Variants in CDK16 observed in about 807,000 individuals in gnomAD.
CDK16 encodes the protein cyclin-dependent kinase 16.
In CDK16, 2 loss-of-function variants were observed where a neutral mutation model predicts 41.6. The ratio of observed to expected loss-of-function variants is 0.05; its 90% CI spans 0.02 to 0.15. The LOEUF is 0.15. Ranked by LOEUF, CDK16 falls within the 10% of genes least tolerant of loss-of-function variation. CDK16 has a pLI of 1.00. For missense variants in CDK16, 228 were observed against 428.9 expected (o/e 0.53, Z 4.14); for synonymous variants, 169 against 169.7 (o/e 1.00, Z 0.03).
intron 1 of CDK16, chrX:47,222,929 G>T: frequency 1.5e-6 from 1 of 670,274 alleles, no homozygotes; most frequent in Non-Finnish European, 2.0e-6. Flanking sequence ...GGTTGGGTCT[G>T]GGCAGGACAC....
chrX:47,221,638 C>T (rs889877596), intron 1 of CDK16, among the ~76,000 whole-genome samples: 2 of 111,752 alleles, frequency 1.8e-5, no homozygotes, highest in East Asian at 5.7e-4. Flanking sequence ...GTATCTGTGC[C>T]ATATGGGGAC....
In CDK16 at chrX:47,219,070, C is replaced by T; in HGVS notation, c.-42C>T. On this transcript the variant is annotated 5_prime_UTR_variant, in exon 1 of 16. Coordinates refer to ENST00000357227, the MANE Select transcript of CDK16 (RefSeq NM_006201.5). ...GCCGCCCCAGGCGCCGCCGCGCCGG[C>T]CCCGCGGCTCTGAGGTTGCTCGCGC... is the stretch of plus-strand genomic sequence containing the variant. The T allele has an allele frequency of 2.4e-6, 2 of 818,905 alleles. No individual in the cohort carries two copies. The highest frequency in any genetic ancestry group is 3.9e-5 in the South Asian group (1 of 25,350). 67.5% of individuals were successfully genotyped at this position (818,905 alleles called of 1,213,427 possible). A position where few individuals can be genotyped will look rare whatever the true frequency, so the allele number is the denominator to read the frequency against.
chrX:47,219,142 T>C, intron 1 of CDK16, 37 bp downstream of exon 1: 1 of 795,536 alleles, frequency 1.3e-6, no homozygotes, highest in Non-Finnish European at 1.5e-6. Flanking sequence ...CTGCCCCTCC[T>C]CCTTCAGAAC....
upstream of CDK16, chrX:47,218,654 T>G (rs781786819): frequency 7.7e-6 from 9 of 1,167,963 alleles, no homozygotes; most frequent in Middle Eastern, 2.3e-4. Flanking sequence ...CTTTGGTACA[T>G]GCAGTCCGAG....
intron 1 of CDK16, 76 bp downstream of exon 1, chrX:47,219,181 G>A: frequency 1.3e-6 from 1 of 768,410 alleles, no homozygotes; most frequent in African/African-American, 2.3e-5. Flanking sequence ...AGGGGTCTGG[G>A]CTGCGGGGCT....
chrX:47,224,254 C>T (rs1333240744), intron 2 of CDK16, 131 bp from the exon 3 acceptor site: 6 of 684,971 alleles, frequency 8.8e-6, no homozygotes, highest in Admixed American at 3.7e-5. Flanking sequence ...ACCCTCTCCC[C>T]GAGGGACTCC....
chrX:47,223,410 G>A, intron 1 of CDK16, 142 bp from the exon 2 acceptor site: 4 of 1,004,688 alleles, frequency 4.0e-6, no homozygotes, highest in Non-Finnish European at 5.4e-6. Context: ...GAACTCCTGA[G>A]TGGCTCTGGG....
rs756665224 is a variant in CDK16, at chrX:47,226,185, G to A, written c.793-94G>A. ...CCTCTTTTGTGTGACAAGGCTCTGG[G>A]CCTAGTGTCTGTGTTTGGGAGGGGA... On this transcript the variant is annotated intron_variant, in intron 8 of 15. Transcript: ENST00000357227. 1.1e-5 allele frequency: 13 copies of A among 1,154,251 alleles called. No homozygotes were observed. The Admixed American group carries it at 2.7e-4, about 24-fold the overall frequency.
Position 47,225,991 on chromosome X carries a change from TG to T in CDK16, c.757del (p.Asp253ThrfsTer11). ...ACAAGGACCTGAAGCAGTACCTGGA[TG>T]ACTGTGGGAACATCATCAACATGCA... ...LDKDLKQYLD[D>X]CGNIINMHNV... On this transcript the variant is annotated frameshift_variant, in exon 8 of 16. Transcript: ENST00000357227. LOFTEE classifies it high-confidence loss of function. 8.3e-7 allele frequency: 1 copy of T among 1,203,292 alleles called. No homozygotes were observed. Among genetic ancestry groups the T allele is most frequent in the East Asian group, 3.0e-5 (1 of 33,662 alleles).
At chrX:47,227,701 ACTTT>A (rs1361455017) in intron 14 of CDK16, 1 of 401,118 alleles carries the variant, frequency 2.5e-6, no homozygotes, top group Non-Finnish European at 4.3e-6. Context: ...ATAGCACTTT[ACTTT>A]TTTTAAAGTA....
At chrX:47,218,660 C>T, upstream of CDK16, 2 of 1,168,240 alleles carry the variant, frequency 1.7e-6, no homozygotes, top group African/African-American at 1.8e-5. Flanking sequence ...TACATGCAGT[C>T]CGAGGTGAGT....
chrX:47,224,939 C>G (rs767105525), intron 5 of CDK16, 49 bp downstream of exon 5: 4 of 1,195,429 alleles, frequency 3.3e-6, no homozygotes, highest in Non-Finnish European at 4.5e-6. Flanking sequence ...TCAGTGGGAA[C>G]TCCTGGAATC....
chrX:47,227,874 C>T (rs2055259801), intron 14 of CDK16: 1 of 132,708 alleles, frequency 7.5e-6, no homozygotes, highest in African/African-American at 3.2e-5. Flanking sequence ...TTCAGTTATT[C>T]CCAGCCCCTT....
In CDK16 at chrX:47,227,174, G is replaced by A; in HGVS notation, c.1242-7G>A. 1 of 1,210,569 alleles carries A rather than the reference G, an allele frequency of 8.3e-7. No homozygotes were observed. Among genetic ancestry groups the A allele is most frequent in the African/African-American group, 1.7e-5 (1 of 57,690 alleles). ...TTTTAAATCAGGTCTCTTTGTCCTT[G>A]TGGCAGACTTGATAGCGACGGGGCC... On this transcript the variant is annotated splice_region_variant and splice_polypyrimidine_tract_variant and intron_variant, in intron 12 of 15. Coordinates refer to ENST00000357227, the MANE Select transcript of CDK16 (RefSeq NM_006201.5).
chrX:47,223,623 C>G lies in CDK16; in HGVS notation c.66C>G (p.Asp22Glu). ...SMTLRGGRGI[D>E]KTNGAPEQIG... ...CACTCCGAGGTGGCCGAGGCATAGACAAGACCAATGGTGCCCCTGAGCAGA... is the reference window on the plus strand; with the variant it reads ...CACTCCGAGGTGGCCGAGGCATAGAGAAGACCAATGGTGCCCCTGAGCAGA... Residue 22 changes from aspartate to glutamate, a missense_variant, in exon 2 of 16, where the codon GAC becomes GAG. This residue lies in a region of CDK16 where 71 missense variants were observed against 102.2 expected (regional missense o/e 0.69). Coordinates refer to ENST00000357227, the MANE Select transcript of CDK16 (RefSeq NM_006201.5). 8.3e-7 allele frequency: 1 copy of G among 1,211,633 alleles called. No homozygotes were observed. The highest frequency in any genetic ancestry group is 1.1e-6 in the Non-Finnish European group (1 of 895,248).
intron 1 of CDK16, among the ~76,000 whole-genome samples, chrX:47,221,704 A>G (rs1456192782): frequency 8.9e-6 from 1 of 111,980 alleles, no homozygotes; most frequent in Non-Finnish European, 1.9e-5. Flanking sequence ...TAGGCCCAGT[A>G]TTCAGCCTCC....
rs776305718 is a variant in CDK16, at chrX:47,226,596, C to A, written c.930C>A (p.Ala310=). 1.7e-6 allele frequency: 2 copies of A among 1,210,920 alleles called. No homozygotes were observed. The highest frequency in any genetic ancestry group is 2.2e-6 in the Non-Finnish European group (2 of 894,834). The change falls in exon 10 of 16, where the codon GCC becomes GCA. Residue 310 remains alanine (A), a synonymous_variant. Coordinates refer to ENST00000357227, the MANE Select transcript of CDK16 (RefSeq NM_006201.5). ...TCTGATTTCCAGGCCTGGCCCGAGC[C>A]AAGTCAATCCCAACAAAGACATACT... ...LKLADFGLAR[A]KSIPTKTYSN...
At chrX:47,221,121 T>G (rs892266742) in intron 1 of CDK16, among the ~76,000 whole-genome samples, 5 of 110,804 alleles carry the variant, frequency 4.5e-5, no homozygotes, top group Admixed American at 1.9e-4. Context: ...GTCTAGCGTG[T>G]ATTAATGGGG....
chrX:47,221,129 G>T (rs1239200390), intron 1 of CDK16, among the ~76,000 whole-genome samples: 4 of 111,050 alleles, frequency 3.6e-5, no homozygotes, highest in African/African-American at 1.3e-4. Context: ...TGTATTAATG[G>T]GGATCAGGAC....
Sources: allele counts gnomAD v4.1 joint callset (sites outside exome capture counted in the v4.1 genomes callset), GRCh38; gene constraint gnomAD v4.1.1; regional missense constraint gnomAD v4.1.1; transcripts MANE v1.5; gene names NCBI Gene and HGNC (gene_info 2026-07-23, HGNC 2026-07-21).